Variants in SMIM3 observed in about 807,000 individuals in gnomAD.
The protein encoded by SMIM3 is small integral membrane protein 3.
Under a neutral mutation model 2.1 loss-of-function variants are expected in SMIM3, and 4 were observed. The observed-to-expected ratio is 1.89, with a 90% CI of 0.93 to 4.31. The LOEUF (loss-of-function observed/expected upper bound fraction) is 4.31. Ranked by LOEUF, SMIM3 falls within the 30% of genes most tolerant of loss-of-function variation. SMIM3 has a pLI of 0.01. For missense variants in SMIM3, 79 were observed against 77.7 expected (o/e 1.02, Z -0.06); for synonymous variants, 29 against 30.8 (o/e 0.94, Z 0.19).
intron 1 of SMIM3, among the ~76,000 whole-genome samples, chr5:150,783,608 G>A (rs1350165560): frequency 6.6e-6 from 1 of 152,228 alleles, no homozygotes; most frequent in African/African-American, 2.4e-5. Flanking sequence ...GCCTCTATCT[G>A]CCTTGTCTCC....
chr5:150,788,661 A>C (rs1309477267), intron 1 of SMIM3, among the ~76,000 whole-genome samples: 1 of 151,970 alleles, frequency 6.6e-6, no homozygotes, highest in Non-Finnish European at 1.5e-5. Context: ...AAAAAAAAGA[A>C]AAAAGTTTTT....
chr5:150,793,335 T>C (rs1753367784), intron 1 of SMIM3, among the ~76,000 whole-genome samples: 1 of 152,092 alleles, frequency 6.6e-6, no homozygotes, highest in Non-Finnish European at 1.5e-5. Flanking sequence ...AAAATTCATA[T>C]GGAACCAAAA....
chr5:150,783,509 C>A (rs1406784145), intron 1 of SMIM3, among the ~76,000 whole-genome samples: 3 of 152,232 alleles, frequency 2.0e-5, no homozygotes, highest in Non-Finnish European at 4.4e-5. Context: ...CTCTGGCCAC[C>A]GTGGCTGGTG....
chr5:150,793,852 G>A (rs1245794939), intron 1 of SMIM3, among the ~76,000 whole-genome samples: 1 of 152,134 alleles, frequency 6.6e-6, no homozygotes, highest in Non-Finnish European at 1.5e-5. Flanking sequence ...GCTTTTTCAT[G>A]GCAAAAGGAA....
chr5:150,781,763 CG>C (rs139762369), intron 1 of SMIM3, among the ~76,000 whole-genome samples: 7,250 of 152,214 alleles, frequency 0.048, 596 homozygotes, highest in African/African-American at 0.16. Flanking sequence ...AGCTCTGTCA[CG>C]GAGCACCCTG....
intron 1 of SMIM3, among the ~76,000 whole-genome samples, chr5:150,783,502 T>C (rs996007724): frequency 6.6e-6 from 1 of 152,262 alleles, no homozygotes; most frequent in Non-Finnish European, 1.5e-5. Context: ...GTCTGCTCTC[T>C]GGCCACCGTG....
At chr5:150,794,498 T>C (rs1003047546) in intron 1 of SMIM3, among the ~76,000 whole-genome samples, 13 of 152,170 alleles carry the variant, frequency 8.5e-5, no homozygotes, top group Non-Finnish European at 1.5e-4. Flanking sequence ...TAAAAAGGAA[T>C]GAATTAACAG....
chr5:150,789,735 T>C (rs1411372028), intron 1 of SMIM3, among the ~76,000 whole-genome samples: 1 of 152,204 alleles, frequency 6.6e-6, no homozygotes, highest in Non-Finnish European at 1.5e-5. Context: ...CCGACTTTAA[T>C]TTCGTAACAT....
chr5:150,787,209 CA>C (rs938251799), intron 1 of SMIM3, among the ~76,000 whole-genome samples: 1 of 151,934 alleles, frequency 6.6e-6, no homozygotes, highest in African/African-American at 2.4e-5. Context: ...AAAGTGGGAC[CA>C]AAAAAACCTA....
chr5:150,795,770 G>T lies in SMIM3; in HGVS notation c.*147G>T. ...TGCCACGAGCCAGCTGTGTGAATTT[G>T]GTCAAGGGACCTAACTCTCTGAGTT... On this transcript the variant is annotated 3_prime_UTR_variant, in exon 2 of 2. Coordinates refer to ENST00000526627, the MANE Select transcript of SMIM3 (RefSeq NM_032947.5). The T allele has an allele frequency of 1.2e-6, 1 of 867,748 alleles. No individual in the cohort carries two copies. The highest frequency in any genetic ancestry group is 1.7e-6 in the Non-Finnish European group (1 of 578,532). The allele number at this position is 867,748 out of a possible 1,614,324, so 53.8% of individuals were successfully genotyped here.
At chr5:150,783,373 G>T (rs1753256267) in intron 1 of SMIM3, among the ~76,000 whole-genome samples, 2 of 152,224 alleles carry the variant, frequency 1.3e-5, no homozygotes, top group African/African-American at 4.8e-5. Flanking sequence ...GACAATGCTG[G>T]CAAACCCTCT....
At chr5:150,781,866 T>C (rs1191390172) in intron 1 of SMIM3, among the ~76,000 whole-genome samples, 1 of 152,222 alleles carries the variant, frequency 6.6e-6, no homozygotes, top group East Asian at 1.9e-4. Flanking sequence ...AGTAGTGCCT[T>C]AAACAGGATG....
chr5:150,779,844 C>A (rs924290935), intron 1 of SMIM3, among the ~76,000 whole-genome samples: 1 of 148,066 alleles, frequency 6.8e-6, no homozygotes, highest in Non-Finnish European at 1.5e-5. Context: ...CCCCGCCCCC[C>A]CCACAAATTG....
At chr5:150,782,749 T>G (rs1252750757) in intron 1 of SMIM3, among the ~76,000 whole-genome samples, 1 of 152,224 alleles carries the variant, frequency 6.6e-6, no homozygotes, top group African/African-American at 2.4e-5. Context: ...TGAGGATTCT[T>G]TCTGGACCTC....
chr5:150,783,066 A>G (rs1292104456), intron 1 of SMIM3, among the ~76,000 whole-genome samples: 1 of 152,270 alleles, frequency 6.6e-6, no homozygotes, highest in Non-Finnish European at 1.5e-5. Context: ...ATAGTTTAAC[A>G]GAGTGGGTCG....
At chr5:150,792,472 A>G (rs1753358685) in intron 1 of SMIM3, among the ~76,000 whole-genome samples, 1 of 152,208 alleles carries the variant, frequency 6.6e-6, no homozygotes, top group Non-Finnish European at 1.5e-5. Flanking sequence ...AGCTTAAGAT[A>G]GTTCACAGTT....
At chr5:150,781,710 T>G (rs546212329) in intron 1 of SMIM3, among the ~76,000 whole-genome samples, 1 of 152,300 alleles carries the variant, frequency 6.6e-6, no homozygotes, top group South Asian at 2.1e-4. Context: ...CTGTTGAGGC[T>G]CACACATTGA....
intron 1 of SMIM3, among the ~76,000 whole-genome samples, chr5:150,789,057 TA>T (rs1449505969): frequency 2.0e-5 from 3 of 152,216 alleles, no homozygotes; most frequent in African/African-American, 7.2e-5. Context: ...CCTATGGTTA[TA>T]AAAACATCAT....
chr5:150,786,425 C>G (rs1476623299), intron 1 of SMIM3, among the ~76,000 whole-genome samples: 1 of 152,044 alleles, frequency 6.6e-6, no homozygotes, highest in Admixed American at 6.6e-5. Context: ...GTAGCTGGGA[C>G]TACAGGTGCA....
Sources: allele counts gnomAD v4.1 joint callset (sites outside exome capture counted in the v4.1 genomes callset), GRCh38; gene constraint gnomAD v4.1.1; transcripts MANE v1.5; gene names NCBI Gene and HGNC (gene_info 2026-07-23, HGNC 2026-07-21).